ATP2B2: variants seen among roughly 807,000 people sequenced by gnomAD.
ATP2B2 encodes the protein plasma membrane calcium-transporting ATPase 2.
Under a neutral mutation model 120.0 loss-of-function variants are expected in ATP2B2, and 15 were observed. The observed-to-expected ratio is 0.12, with a 90% CI of 0.08 to 0.19. ATP2B2 has a LOEUF of 0.19. ATP2B2 is among the 10% of genes least tolerant of loss of function. ATP2B2 has a pLI of 1.00. For missense variants in ATP2B2, 1,045 were observed against 1,719.8 expected (o/e 0.61, Z 6.94); for synonymous variants, 694 against 700.3 (o/e 0.99, Z 0.14).
At chr3:10,489,196 T>C (rs2065843393) in intron 1 of ATP2B2, among the ~76,000 whole-genome samples, 1 of 152,224 alleles carries the variant, frequency 6.6e-6, no homozygotes, top group Non-Finnish European at 1.5e-5. Flanking sequence ...CCTGACCTGA[T>C]TCAAAACAAC....
intron 2 of ATP2B2, among the ~76,000 whole-genome samples, chr3:10,556,337 G>A (rs2067778625): frequency 6.6e-6 from 1 of 152,194 alleles, no homozygotes; most frequent in African/African-American, 2.4e-5. Context: ...ACTAGCACTG[G>A]GGGGACAAGG....
At chr3:10,407,924 G>A (rs1265733201) in intron 3 of ATP2B2, among the ~76,000 whole-genome samples, 1 of 152,194 alleles carries the variant, frequency 6.6e-6, no homozygotes, top group East Asian at 1.9e-4. Context: ...CTGAGCACAT[G>A]GAGGGCCGGC....
intron 14 of ATP2B2, 90 bp downstream of exon 14, chr3:10,358,601 A>G: frequency 4.8e-6 from 6 of 1,243,386 alleles, no homozygotes; most frequent in Non-Finnish European, 5.8e-6. Context: ...CTGAGACTCA[A>G]AGAGGTGAAG....
intron 1 of ATP2B2, among the ~76,000 whole-genome samples, chr3:10,651,964 G>A (rs1475461939): frequency 6.6e-6 from 1 of 152,162 alleles, no homozygotes; most frequent in African/African-American, 2.4e-5. Flanking sequence ...TGAACTAGAA[G>A]AGAATGGACT....
In ATP2B2 at chr3:10,645,498, T is replaced by C. The variant is rs146733823; in HGVS notation, c.-459-25537A>G. Among the ~76,000 whole-genome samples, 92 of 152,344 alleles carry C rather than the reference T, an allele frequency of 6.0e-4. 2 individuals are homozygous for C. In the East Asian group the frequency reaches 0.015, roughly 25 times the overall value. ...TTGCAACTTATTCAAAAGATGCATC[T>C]CTACATGTGTGGACGCACACAGATA... On this transcript the variant is annotated intron_variant, in intron 1 of 21. Coordinates refer to the ATP2B2 transcript ENST00000646379.
Position 10,707,630 on chromosome 3 carries a change from C to A in ATP2B2, c.-460+285G>T, listed in dbSNP as rs529868491. ...GCCCGGAAAGTTTTCGCGCAGCAGG[C>A]GCAAGGCGCGCCCCCTTCCCTCACC... On this transcript the variant is annotated intron_variant, in intron 1 of 21. Transcript: ENST00000646379. 3.4e-3 allele frequency among the ~76,000 whole-genome samples: 511 copies of A among 152,188 alleles called. 3 individuals are homozygous for A. Among genetic ancestry groups the A allele is most frequent in the African/African-American group, 0.012 (494 of 41,556 alleles).
chr3:10,568,389 GC>G (rs1163681491), intron 2 of ATP2B2, among the ~76,000 whole-genome samples: 3 of 152,160 alleles, frequency 2.0e-5, no homozygotes, highest in Non-Finnish European at 2.9e-5. Context: ...TAGGATCAGG[GC>G]TCATGGGTGT....
chr3:10,570,578 C>T (rs1443485744), intron 2 of ATP2B2, among the ~76,000 whole-genome samples: 1 of 152,142 alleles, frequency 6.6e-6, no homozygotes, highest in Non-Finnish European at 1.5e-5. Flanking sequence ...TTGATTTTTC[C>T]CTCGTAATTA....
rs1481155364 is a variant in ATP2B2, at chr3:10,343,431, C to T, written c.2704-466G>A. Among the ~76,000 whole-genome samples the T allele has an allele frequency of 3.3e-5, 5 of 151,562 alleles. No individual in the cohort carries two copies. The highest frequency in any genetic ancestry group is 1.9e-4 in the East Asian group (1 of 5,132). On this transcript the variant is annotated intron_variant, in intron 18 of 22. Coordinates refer to ENST00000360273, the MANE Select transcript of ATP2B2 (RefSeq NM_001001331.4). The surrounding 1 kb of genome is among the most constrained non-coding windows in gnomAD (Gnocchi z 4.2). The stretch of plus-strand genomic sequence containing the variant: ...CCCAATGTCTCCTCCCCTCTTATCC[C>T]GCCTTACCTTAAAAAATTATTGTGC...
At chr3:10,469,307 A>G (rs2064885387) in intron 1 of ATP2B2, among the ~76,000 whole-genome samples, 1 of 152,262 alleles carries the variant, frequency 6.6e-6, no homozygotes, top group African/African-American at 2.4e-5. Context: ...CCTATGAGGC[A>G]GGTATTCTTA....
At chr3:10,447,410 G>A (rs2063874800) in intron 2 of ATP2B2, among the ~76,000 whole-genome samples, 1 of 152,198 alleles carries the variant, frequency 6.6e-6, no homozygotes, top group African/African-American at 2.4e-5. Context: ...GGTGGGAGTG[G>A]TAGGTGGTTT....
intron 1 of ATP2B2, among the ~76,000 whole-genome samples, chr3:10,466,325 G>A (rs1339210237): frequency 6.6e-6 from 1 of 152,226 alleles, no homozygotes; most frequent in Non-Finnish European, 1.5e-5. Flanking sequence ...TGCATGCATA[G>A]ATGCGTGTCT....
intron 1 of ATP2B2, among the ~76,000 whole-genome samples, chr3:10,680,305 C>T (rs551398357): frequency 4.8e-4 from 73 of 152,038 alleles, no homozygotes; most frequent in African/African-American, 1.6e-3. Flanking sequence ...CTGCAAGAGC[C>T]TGTGGTTTCT....
At chr3:10,539,803 C>T (rs1049972542) in intron 2 of ATP2B2, among the ~76,000 whole-genome samples, 14 of 152,152 alleles carry the variant, frequency 9.2e-5, no homozygotes, top group Non-Finnish European at 2.9e-5. Context: ...AGGACACAGG[C>T]ATGGGCAAGG....
chr3:10,707,751 G>T (rs1042607447), intron 1 of ATP2B2, among the ~76,000 whole-genome samples: 2 of 151,326 alleles, frequency 1.3e-5, no homozygotes, highest in African/African-American at 4.9e-5. Flanking sequence ...CTGCCTCCGC[G>T]GGGCGAAGGG....
chr3:10,522,198 G>A (rs902540030), intron 3 of ATP2B2, among the ~76,000 whole-genome samples: 8 of 152,192 alleles, frequency 5.3e-5, no homozygotes, highest in South Asian at 2.1e-4. Flanking sequence ...AGCTCCTCGT[G>A]GTCCCGTGTA....
Position 10,610,139 on chromosome 3 carries a change from G to GTA in ATP2B2, c.-415+9776_-415+9777dup, listed in dbSNP as rs57524000. 5.6e-3 allele frequency among the ~76,000 whole-genome samples: 791 copies of GTA among 140,358 alleles called. 5 individuals carry two copies. The highest frequency in any genetic ancestry group is 0.012 in the Middle Eastern group (3 of 258). The allele number at this position is 140,358 out of a possible 152,430, so 92.1% of individuals were successfully genotyped here. On this transcript the variant is annotated intron_variant, in intron 2 of 21. Transcript: ENST00000646379. ...TATATGCATAAATATATATATACATGTATATATATATATATATGACAGGAA... is the reference window on the plus strand; with the variant it reads ...TATATGCATAAATATATATATACATGTATATATATATATATATATGACAGGAA...
intron 1 of ATP2B2, among the ~76,000 whole-genome samples, chr3:10,657,563 A>G (rs957051866): frequency 7.2e-5 from 11 of 152,218 alleles, no homozygotes; most frequent in African/African-American, 1.2e-4. Flanking sequence ...GGGGCCTGCC[A>G]TTGCTGTGGC....
chr3:10,538,601 T>C (rs1055778671), intron 2 of ATP2B2, among the ~76,000 whole-genome samples: 3 of 152,144 alleles, frequency 2.0e-5, no homozygotes, highest in Non-Finnish European at 2.9e-5. Flanking sequence ...TAATCCAGCA[T>C]ATTAACAGAA....
Sources: gnomAD v4.1 joint callset for allele counts (sites outside exome capture counted in the v4.1 genomes callset) on GRCh38, gnomAD v4.1.1 for gene constraint, Gnocchi (gnomAD v3.1) non-coding constraint, MANE v1.5 for transcripts, NCBI Gene and HGNC (gene_info 2026-07-23, HGNC 2026-07-21) for gene names.